Variants in ATP8A2 observed in about 807,000 individuals in gnomAD.
ATP8A2 encodes ATPase phospholipid transporting 8A2, also known as phospholipid-transporting ATPase IB.
ATP8A2 carries 100 observed loss-of-function variants against 165.6 expected under a neutral mutation model. The ratio of observed to expected loss-of-function variants is 0.60; its 90% CI spans 0.51 to 0.71. ATP8A2 has a LOEUF of 0.71. Among genes scored for constraint, ATP8A2 ranks in the 30% least tolerant of loss-of-function variants. The pLI, the probability that ATP8A2 is intolerant of heterozygous loss-of-function variation, is 0.00. For synonymous variants in ATP8A2, 543 were observed against 548.8 expected (o/e 0.99, Z 0.15); for missense variants, 1,227 against 1,479.5 (o/e 0.83, Z 2.80).
intron 24 of ATP8A2, among the ~76,000 whole-genome samples, chr13:25,640,333 T>C (rs1386676948): frequency 6.6e-6 from 1 of 150,786 alleles, no homozygotes; most frequent in Admixed American, 6.6e-5. Flanking sequence ...TTTGAAAAGA[T>C]CAACAAAATT....
intron 26 of ATP8A2, among the ~76,000 whole-genome samples, chr13:25,773,192 T>G (rs565719003): frequency 4.9e-4 from 74 of 152,302 alleles, no homozygotes; most frequent in African/African-American, 1.7e-3. Context: ...GTTTCAAGCT[T>G]GTGGACTTAC....
chr13:25,491,469 C>T (rs2137643999), intron 2 of ATP8A2, among the ~76,000 whole-genome samples: 1 of 152,246 alleles, frequency 6.6e-6, no homozygotes, highest in Admixed American at 6.5e-5. Flanking sequence ...CTCAAGTGAT[C>T]CTTCCAGCAG....
chr13:25,882,122 A>G (rs1379399209), intron 33 of ATP8A2, among the ~76,000 whole-genome samples: 2 of 152,198 alleles, frequency 1.3e-5, no homozygotes, highest in Non-Finnish European at 1.5e-5. Context: ...CGCAGGGCTC[A>G]GGCAGGAATG....
chr13:25,579,916 G>A lies in ATP8A2; in HGVS notation c.1976G>A (p.Arg659Gln), dbSNP rs566960742. The A allele has an allele frequency of 1.9e-6, 3 of 1,613,864 alleles. No homozygotes were observed. The highest frequency in any genetic ancestry group is 1.3e-5 in the African/African-American group (1 of 74,882). The part of the protein sequence containing the change: ...ASTILKDRAQ[R>Q]LEECYEIIEK... Reference sequence around the variant, plus strand: ...ACCATATTGAAGGACAGAGCTCAACGGTTGGAAGAGTGTTACGAGATCATT... The same window carrying A: ...ACCATATTGAAGGACAGAGCTCAACAGTTGGAAGAGTGTTACGAGATCATT... The change falls in exon 22 of 37, where the codon CGG (arginine) becomes CAG (glutamine). Residue 659 changes from arginine (R) to glutamine (Q), a missense_variant. By Grantham distance (43) the Arg-to-Gln change is conservative (BLOSUM62 1). Coordinates refer to ENST00000381655, the MANE Select transcript of ATP8A2 (RefSeq NM_016529.6).
At chr13:25,617,270 T>A (rs1331719046) in intron 24 of ATP8A2, among the ~76,000 whole-genome samples, 1 of 152,216 alleles carries the variant, frequency 6.6e-6, no homozygotes, top group East Asian at 1.9e-4. Flanking sequence ...TTAATGGCCA[T>A]ACACAATTTA....
At chr13:25,563,082 C>A (rs2039207429) in intron 15 of ATP8A2, among the ~76,000 whole-genome samples, 1 of 152,340 alleles carries the variant, frequency 6.6e-6, no homozygotes, top group South Asian at 2.1e-4. Flanking sequence ...GCTGTCATGT[C>A]TTCTTTCATT....
chr13:26,002,096 G>C (rs9578950), intron 35 of ATP8A2, among the ~76,000 whole-genome samples: 2,452 of 152,282 alleles, frequency 0.016, 26 homozygotes, highest in African/African-American at 0.035. Flanking sequence ...ATTAAATCAA[G>C]CTAATTAACA....
chr13:25,543,489 G>A, intron 10 of ATP8A2, 87 bp downstream of exon 10: 5 of 875,848 alleles, frequency 5.7e-6, no homozygotes, highest in Non-Finnish European at 9.0e-6. Flanking sequence ...TTGCATTTAG[G>A]AAGTTCAAAT....
chr13:25,503,445 T>G lies in ATP8A2; in HGVS notation c.222-26554T>G, dbSNP rs1386520071. On this transcript the variant is annotated intron_variant, in intron 2 of 36. Coordinates refer to ENST00000381655, the MANE Select transcript of ATP8A2 (RefSeq NM_016529.6). ...CAGAACTTTCCAGCTGCAGGAGTTG[T>G]GCTGAGATGGGAATTTGCGTTCTAG... 4.6e-5 allele frequency among the ~76,000 whole-genome samples: 7 copies of G among 152,146 alleles called. No homozygotes were observed. In the East Asian group the frequency reaches 1.4e-3, roughly 29 times the overall value.
intron 2 of ATP8A2, among the ~76,000 whole-genome samples, chr13:25,505,969 G>A (rs1334095075): frequency 6.6e-6 from 1 of 152,030 alleles, no homozygotes. Flanking sequence ...AGAGCTAGAG[G>A]TGTGGAAAGG....
intron 1 of ATP8A2, among the ~76,000 whole-genome samples, chr13:25,435,697 G>A (rs753078592): frequency 7.3e-5 from 11 of 151,090 alleles, no homozygotes; most frequent in Non-Finnish European, 1.3e-4. Flanking sequence ...GGATCTTGTG[G>A]TTTTTTTCTC....
chr13:25,389,685 C>G (rs1171426698), intron 1 of ATP8A2, among the ~76,000 whole-genome samples: 1 of 152,206 alleles, frequency 6.6e-6, no homozygotes, highest in Non-Finnish European at 1.5e-5. Flanking sequence ...ATTTGTTGAA[C>G]ATCTTTTGTG....
At chr13:25,458,685 A>G (rs1278192096) in intron 1 of ATP8A2, among the ~76,000 whole-genome samples, 1 of 152,240 alleles carries the variant, frequency 6.6e-6, no homozygotes, top group African/African-American at 2.4e-5. Flanking sequence ...GTAATGAGAT[A>G]CACCTTGATG....
In ATP8A2 at chr13:25,977,697, T is replaced by C. The variant is rs368689998; in HGVS notation, c.3377+9018T>C. Among the ~76,000 whole-genome samples the C allele has an allele frequency of 2.6e-5, 4 of 152,354 alleles. No homozygotes were observed. The South Asian group carries it at 8.3e-4, about 32-fold the overall frequency. On this transcript the variant is annotated intron_variant, in intron 35 of 36. Transcript: ENST00000381655. The stretch of plus-strand genomic sequence containing the variant: ...GTTTAATAATTAGAAAATTTTTAAA[T>C]TAAATACCAGATGTCATTTATTATT...
intron 26 of ATP8A2, among the ~76,000 whole-genome samples, chr13:25,771,349 G>T (rs1482721896): frequency 6.6e-6 from 1 of 152,146 alleles, no homozygotes; most frequent in Non-Finnish European, 1.5e-5. Context: ...TGTGGGACTC[G>T]CACTTCCTGT....
intron 25 of ATP8A2, among the ~76,000 whole-genome samples, chr13:25,719,171 G>GTCTTGCTATTTCATT (rs1236552413): frequency 6.6e-6 from 1 of 152,148 alleles, no homozygotes; most frequent in African/African-American, 2.4e-5. Context: ...AATTTTGAAT[G>GTCTTGCTATTTCATT]TCTTGCTATT....
chr13:25,802,395 G>C (rs1337597742), intron 27 of ATP8A2, among the ~76,000 whole-genome samples: 1 of 152,096 alleles, frequency 6.6e-6, no homozygotes, highest in Non-Finnish European at 1.5e-5. Flanking sequence ...CCTGCTAAAT[G>C]CTGGCCAACT....
rs115033797 is a variant in ATP8A2 at position 25,420,265 on chromosome 13, T to C, written c.76+47977T>C. Among the ~76,000 whole-genome samples the C allele has an allele frequency of 1.7e-3, 258 of 152,354 alleles. 1 individual carries two copies. Among genetic ancestry groups the C allele is most frequent in the African/African-American group, 6.0e-3 (251 of 41,580 alleles). ...TTAAAAAACCACTTGAAAAGAACCA[T>C]TTTAGAATGAATTGGCCAGAAGAAG... On this transcript the variant is annotated intron_variant, in intron 1 of 36. Transcript: ENST00000381655.
At chr13:25,425,404 ACG>A (rs2034417076) in intron 1 of ATP8A2, among the ~76,000 whole-genome samples, 15 of 151,302 alleles carry the variant, frequency 9.9e-5, no homozygotes, top group Admixed American at 2.0e-4. Context: ...TACTTGCAAG[ACG>A]TCATAAATTT....
Sources: gnomAD v4.1 joint callset for allele counts (sites outside exome capture counted in the v4.1 genomes callset) on GRCh38, gnomAD v4.1.1 for gene constraint, MANE v1.5 for transcripts, NCBI Gene and HGNC (gene_info 2026-07-23, HGNC 2026-07-21) for gene names.